Variants in CAMTA1 observed in about 807,000 individuals in gnomAD.
The protein encoded by CAMTA1 is calmodulin-binding transcription activator 1.
A neutral mutation model predicts 170.9 loss-of-function variants in CAMTA1; 27 were observed. The ratio of observed to expected loss-of-function variants is 0.16; its 90% CI spans 0.12 to 0.22. The LOEUF is 0.22. CAMTA1 is among the 10% of genes least tolerant of loss of function. The pLI, the probability that CAMTA1 is intolerant of heterozygous loss-of-function variation, is 1.00. For missense variants in CAMTA1, 1,619 were observed against 2,217.2 expected (o/e 0.73, Z 5.42); for synonymous variants, 833 against 891.5 (o/e 0.93, Z 1.17).
chr1:7,619,769 C>A (rs2095584582), intron 6 of CAMTA1, among the ~76,000 whole-genome samples: 1 of 152,012 alleles, frequency 6.6e-6, no homozygotes, highest in Non-Finnish European at 1.5e-5. Flanking sequence ...CGTGCCCCAG[C>A]CTCCTGAGTA....
At chr1:7,035,191 C>T (rs1433126821) in intron 3 of CAMTA1, among the ~76,000 whole-genome samples, 1 of 151,974 alleles carries the variant, frequency 6.6e-6, no homozygotes, top group Non-Finnish European at 1.5e-5. Flanking sequence ...CACCTGAGGT[C>T]AGGAGTTTGA....
Position 7,664,938 on chromosome 1 carries a change from G to C in CAMTA1, c.2391G>C (p.Ser797=), listed in dbSNP as rs61742693. ...CCATCTATGGGCACCAGCTGGTGTC[G>C]GGGGACAGCACGGCGCTCTCACAGT... is the stretch of plus-strand genomic sequence containing the variant. ...SSTIYGHQLV[S]GDSTALSQSE... is the part of the protein sequence containing the mutation. Residue 797 remains serine (S), a synonymous_variant, in exon 9 of 23, where the codon TCG becomes TCC. Transcript: ENST00000303635. 9 of 1,613,072 alleles carry C rather than the reference G, an allele frequency of 5.6e-6. No homozygotes were observed. The South Asian group carries it at 9.9e-5, about 18-fold the overall frequency.
chr1:7,280,235 G>T (rs1488985930), intron 5 of CAMTA1, among the ~76,000 whole-genome samples: 3 of 152,206 alleles, frequency 2.0e-5, no homozygotes, highest in Non-Finnish European at 2.9e-5. Context: ...GCCCCATCTG[G>T]CTCGCCAGTC....
rs745580696 is a variant in CAMTA1 at position 7,286,415 on chromosome 1, A to G, written c.438+36789A>G. On this transcript the variant is annotated intron_variant, in intron 5 of 22. Coordinates refer to ENST00000303635, the MANE Select transcript of CAMTA1 (RefSeq NM_015215.4). The surrounding 1 kb of genome is among the most constrained non-coding windows in gnomAD (Gnocchi z 4.2). ...TTGGTGGCATTTTGAAGGTCCAAACAGAGATCTTCCATGACAGGTGCATCT... is the reference window on the plus strand; with the variant it reads ...TTGGTGGCATTTTGAAGGTCCAAACGGAGATCTTCCATGACAGGTGCATCT... Among the ~76,000 whole-genome samples the G allele has an allele frequency of 2.6e-5, 4 of 152,330 alleles. No individual in the cohort carries two copies. Among genetic ancestry groups the G allele is most frequent in the Non-Finnish European group, 4.4e-5 (3 of 68,034 alleles).
intron 5 of CAMTA1, among the ~76,000 whole-genome samples, chr1:7,464,960 G>A (rs919855472): frequency 5.3e-5 from 8 of 152,148 alleles, no homozygotes; most frequent in Admixed American, 3.9e-4. Flanking sequence ...GGGGATTGCC[G>A]TGAGCTGCTT....
intron 3 of CAMTA1, among the ~76,000 whole-genome samples, chr1:6,904,812 CGAACTCCTGA>C (rs1409420019): frequency 7.2e-6 from 1 of 138,240 alleles, no homozygotes; most frequent in African/African-American, 2.7e-5. Context: ...AGACTGATCT[CGAACTCCTGA>C]GCTCAAGTGA....
intron 3 of CAMTA1, among the ~76,000 whole-genome samples, chr1:6,987,525 A>T (rs1452255712): frequency 6.6e-6 from 1 of 152,142 alleles, no homozygotes; most frequent in East Asian, 1.9e-4. Flanking sequence ...AGAGCTCCCA[A>T]ATGATTCTAG....
At chr1:7,302,492 C>T (rs1574534208) in intron 5 of CAMTA1, among the ~76,000 whole-genome samples, 1 of 152,346 alleles carries the variant, frequency 6.6e-6, no homozygotes, top group East Asian at 1.9e-4. Flanking sequence ...CGGTGGCTGT[C>T]ATTAACCAAC....
intron 16 of CAMTA1, among the ~76,000 whole-genome samples, chr1:7,741,888 C>T (rs1197443318): frequency 2.6e-5 from 4 of 151,406 alleles, no homozygotes; most frequent in African/African-American, 9.7e-5. Context: ...CTGCCTGCCT[C>T]CACCTCCCAA....
rs1216655397 is a variant in CAMTA1 at position 7,421,926 on chromosome 1, A to G, written c.439-45904A>G. 2.0e-5 allele frequency among the ~76,000 whole-genome samples: 3 copies of G among 151,298 alleles called. No homozygotes were observed. The East Asian group carries it at 5.9e-4, about 30-fold the overall frequency. On this transcript the variant is annotated intron_variant, in intron 5 of 22. Transcript: ENST00000303635. Reference sequence around the variant, plus strand: ...CCTGGCAAGCGTTGCTCTGTGTGGCATCTGTGCTGTGCATCTGCAGGTGCC... The same window carrying G: ...CCTGGCAAGCGTTGCTCTGTGTGGCGTCTGTGCTGTGCATCTGCAGGTGCC...
intron 3 of CAMTA1, among the ~76,000 whole-genome samples, chr1:6,962,095 TG>T (rs1690528367): frequency 6.6e-6 from 1 of 152,104 alleles, no homozygotes; most frequent in African/African-American, 2.4e-5. Context: ...TGGAGCCTGC[TG>T]CTTTGGGCCT....
intron 2 of CAMTA1, among the ~76,000 whole-genome samples, chr1:6,820,695 T>G (rs924556891): frequency 1.3e-5 from 2 of 152,182 alleles, no homozygotes; most frequent in Non-Finnish European, 2.9e-5. Flanking sequence ...TGGGAGTAAT[T>G]AAGCCCTTGT....
chr1:7,284,126 G>GTTCTTGTTC (rs1671910914), intron 5 of CAMTA1, among the ~76,000 whole-genome samples: 1 of 107,000 alleles, frequency 9.3e-6, no homozygotes, highest in East Asian at 3.1e-4. Context: ...ATTTGCTGCT[G>GTTCTTGTTC]TTCTTCTTCT....
rs1437931314 is a variant in CAMTA1, at chr1:7,092,816, G to GGAAGCCCCCTCT, written c.302+1447_302+1458dup. Among the ~76,000 whole-genome samples, 5 of 152,234 alleles carry GGAAGCCCCCTCT rather than the reference G, an allele frequency of 3.3e-5. No homozygotes were observed. Among genetic ancestry groups the GGAAGCCCCCTCT allele is most frequent in the Non-Finnish European group, 5.9e-5 (4 of 68,036 alleles). On this transcript the variant is annotated intron_variant, in intron 4 of 22. Coordinates refer to ENST00000303635, the MANE Select transcript of CAMTA1 (RefSeq NM_015215.4). The surrounding 1 kb of genome is among the most constrained non-coding windows in gnomAD (Gnocchi z 5.0). ...CATTTTGCTGTGGGACCTAGGCTGAGGAAGCCCCCTCTGCCTGGGAAGTTG... is the reference window on the plus strand; with the variant it reads ...CATTTTGCTGTGGGACCTAGGCTGAGGAAGCCCCCTCTGAAGCCCCCTCTGCCTGGGAAGTTG...
intron 12 of CAMTA1, among the ~76,000 whole-genome samples, chr1:7,734,627 T>G (rs1484142153): frequency 1.3e-5 from 2 of 152,202 alleles, no homozygotes; most frequent in Non-Finnish European, 2.9e-5. Flanking sequence ...TGGCTGTGCC[T>G]TGGCCTTTTG....
chr1:7,479,984 AATGT>A (rs2093486577), intron 6 of CAMTA1, among the ~76,000 whole-genome samples: 1 of 150,022 alleles, frequency 6.7e-6, no homozygotes, highest in Admixed American at 6.6e-5. Context: ...TATATATGTG[AATGT>A]ATGTGCATGT....
chr1:6,798,426 C>A (rs1042877618), intron 1 of CAMTA1, among the ~76,000 whole-genome samples: 1 of 152,014 alleles, frequency 6.6e-6, no homozygotes, highest in Non-Finnish European at 1.5e-5. Context: ...GCGGTAGCAT[C>A]AGAATTATTT....
intron 3 of CAMTA1, among the ~76,000 whole-genome samples, chr1:6,994,154 A>G (rs1207597104): frequency 6.6e-6 from 1 of 152,140 alleles, no homozygotes; most frequent in Non-Finnish European, 1.5e-5. Context: ...TTATATCTAT[A>G]TATGCTATAA....
At chr1:6,996,357 G>C (rs1179945229) in intron 3 of CAMTA1, among the ~76,000 whole-genome samples, 1 of 152,246 alleles carries the variant, frequency 6.6e-6, no homozygotes, top group South Asian at 2.1e-4. Flanking sequence ...CAGATACTTC[G>C]CTGAGTTCAA....
Sources: gnomAD v4.1 joint callset for allele counts (sites outside exome capture counted in the v4.1 genomes callset) on GRCh38, gnomAD v4.1.1 for gene constraint, Gnocchi (gnomAD v3.1) non-coding constraint, MANE v1.5 for transcripts, NCBI Gene and HGNC (gene_info 2026-07-23, HGNC 2026-07-21) for gene names.